The following SRR variants were observed in gnomAD, a reference collection of about 807,000 sequenced individuals.
SRR encodes the protein serine racemase, also known as D-serine ammonia-lyase.
In SRR, 19 loss-of-function variants were observed where a neutral mutation model predicts 32.7. That is an observed-to-expected ratio of 0.58 (90% CI 0.40 to 0.85). The LOEUF (loss-of-function observed/expected upper bound fraction) is 0.85. Among genes scored for constraint, SRR ranks in the 40% least tolerant of loss-of-function variants. SRR has a pLI of 0.00. For missense variants in SRR, 373 were observed against 404.7 expected, an observed-to-expected ratio of 0.92 and a Z score of 0.67; for synonymous variants, 142 against 140.9, an observed-to-expected ratio of 1.01 and a Z score of -0.06.
intron 1 of SRR, chr17:2,307,824 A>C: frequency 1.5e-6 from 1 of 679,766 alleles, no homozygotes; most frequent in Non-Finnish European, 2.7e-6. Flanking sequence ...GGCAGGGCCT[A>C]GCTGCTACAA....
chr17:2,315,025 C>T (rs951183094), intron 1 of SRR, among the ~76,000 whole-genome samples: 19 of 151,866 alleles, frequency 1.3e-4, no homozygotes, highest in African/African-American at 3.4e-4. Flanking sequence ...AGGCGGATCA[C>T]GAGGTCAGAA....
chr17:2,304,840 T>G (rs569278615), intron 1 of SRR, among the ~76,000 whole-genome samples: 1 of 152,254 alleles, frequency 6.6e-6, no homozygotes, highest in South Asian at 2.1e-4. Context: ...GATCTCAGGT[T>G]GACTTTTTAA....
chr17:2,315,837 T>A, intron 2 of SRR, 109 bp downstream of exon 2: 1 of 1,084,408 alleles, frequency 9.2e-7, no homozygotes, highest in Non-Finnish European at 1.3e-6. Context: ...TTAATGCCTT[T>A]ATACAGCTGG....
chr17:2,315,874 C>G (rs938183998), intron 2 of SRR, 146 bp downstream of exon 2: 5 of 807,142 alleles, frequency 6.2e-6, no homozygotes, highest in Non-Finnish European at 9.4e-6. Flanking sequence ...ATTTTCCTTT[C>G]AAGTCCTTGT....
Position 2,324,271 on chromosome 17 carries a change from A to C in SRR, c.*398A>C. 1 of 1,553,580 alleles carries C rather than the reference A, an allele frequency of 6.4e-7. No individual in the cohort carries two copies. The highest frequency in any genetic ancestry group is 8.7e-7 in the Non-Finnish European group (1 of 1,155,370). On this transcript the variant is annotated 3_prime_UTR_variant, in exon 8 of 8. Transcript: ENST00000344595. ...AGGGTACTGGTTCTGGTACATATGG[A>C]TCATAAGTCCATTTGGGGAAGACTC...
intron 1 of SRR, among the ~76,000 whole-genome samples, chr17:2,304,523 G>A (rs1433789845): frequency 6.6e-6 from 1 of 151,240 alleles, no homozygotes; most frequent in Non-Finnish European, 1.5e-5. Flanking sequence ...GATTACAGGC[G>A]TGAGCCACCG....
intron 6 of SRR, chr17:2,322,792 A>C (rs1282583080): frequency 3.5e-6 from 1 of 284,612 alleles, no homozygotes; most frequent in Admixed American, 4.8e-5. Flanking sequence ...CTGGGATTAC[A>C]GGCGTGAGCC....
chr17:2,306,834 A>G, intron 1 of SRR: 2 of 799,728 alleles, frequency 2.5e-6, no homozygotes, highest in South Asian at 2.7e-5. Context: ...GCTTTGAAAC[A>G]ACCAATGAGA....
intron 1 of SRR, among the ~76,000 whole-genome samples, chr17:2,312,744 G>C (rs889848199): frequency 2.6e-5 from 4 of 152,094 alleles, no homozygotes; most frequent in African/African-American, 7.2e-5. Flanking sequence ...TTGGCAGTGG[G>C]TATCAGATTT....
chr17:2,316,987 G>A (rs899301475), intron 2 of SRR, among the ~76,000 whole-genome samples: 15 of 149,570 alleles, frequency 1.0e-4, no homozygotes, highest in African/African-American at 3.4e-4. Flanking sequence ...CTCCCAAAGT[G>A]CTGGGATTAC....
At chr17:2,318,084 G>A (rs1000424070) in intron 3 of SRR, 88 bp downstream of exon 3, 3 of 1,369,770 alleles carry the variant, frequency 2.2e-6, no homozygotes, top group Non-Finnish European at 2.9e-6. Context: ...ATAGCTGTGG[G>A]AAGTAACTTT....
chr17:2,313,500 C>T (rs2075448180), intron 1 of SRR, among the ~76,000 whole-genome samples: 1 of 151,558 alleles, frequency 6.6e-6, no homozygotes, highest in African/African-American at 2.4e-5. Context: ...CTTTGGGAGG[C>T]CGAGGCGGGC....
chr17:2,305,865 T>C (rs2075386288), intron 1 of SRR, among the ~76,000 whole-genome samples: 1 of 151,780 alleles, frequency 6.6e-6, no homozygotes, highest in Non-Finnish European at 1.5e-5. Context: ...GCCCAGCTAA[T>C]TTTTTGTATT....
chr17:2,310,800 G>A (rs1211507076), intron 1 of SRR, among the ~76,000 whole-genome samples: 2 of 152,092 alleles, frequency 1.3e-5, no homozygotes, highest in African/African-American at 2.4e-5. Flanking sequence ...AGGCTGGAGT[G>A]CAGTGGCATG....
chr17:2,321,478 A>C, intron 5 of SRR, 53 bp downstream of exon 5: 1 of 1,612,708 alleles, frequency 6.2e-7, no homozygotes, highest in Non-Finnish European at 8.5e-7. Context: ...GTTGGGCTAT[A>C]TTCAATTATT....
intron 1 of SRR, chr17:2,307,069 A>G: frequency 8.6e-7 from 1 of 1,159,248 alleles, no homozygotes; most frequent in South Asian, 1.2e-5. Context: ...CCACTTAACT[A>G]TGGAAAAGAT....
chr17:2,308,209 A>C (rs2075407477), intron 1 of SRR, among the ~76,000 whole-genome samples: 1 of 152,170 alleles, frequency 6.6e-6, no homozygotes, highest in Non-Finnish European at 1.5e-5. Flanking sequence ...AAATCCTATA[A>C]GTAACCTTAT....
chr17:2,311,069 C>T (rs1046245625), intron 1 of SRR, among the ~76,000 whole-genome samples: 7 of 149,574 alleles, frequency 4.7e-5, no homozygotes, highest in East Asian at 2.0e-4. Flanking sequence ...TTAATGGAGA[C>T]GGGATTTTAC....
Position 2,324,451 on chromosome 17 carries a change from T to C in SRR, c.*578T>C, listed in dbSNP as rs550241732. 3 of 1,613,084 alleles carry C rather than the reference T, an allele frequency of 1.9e-6. No individual in the cohort carries two copies. The highest frequency in any genetic ancestry group is 2.7e-5 in the African/African-American group (2 of 74,860). On this transcript the variant is annotated 3_prime_UTR_variant, in exon 8 of 8. Coordinates refer to ENST00000344595, the MANE Select transcript of SRR (RefSeq NM_021947.3). ...GCAATGACTTCCAACCCAACAGTCATTTAGCAACACTGCAGAAATGCAGAC... is the reference window on the plus strand; with the variant it reads ...GCAATGACTTCCAACCCAACAGTCACTTAGCAACACTGCAGAAATGCAGAC...
Sources: gnomAD v4.1 joint callset for allele counts (sites outside exome capture counted in the v4.1 genomes callset) on GRCh38, gnomAD v4.1.1 for gene constraint, MANE v1.5 for transcripts, NCBI Gene and HGNC (gene_info 2026-07-23, HGNC 2026-07-21) for gene names.